Variants in CDH10 observed in about 807,000 individuals in gnomAD.
CDH10 encodes the protein cadherin-10.
A neutral mutation model predicts 73.1 loss-of-function variants in CDH10; 30 were observed. The ratio of observed to expected loss-of-function variants is 0.41; its 90% CI spans 0.31 to 0.56. The LOEUF is 0.56. Among genes scored for constraint, CDH10 ranks in the 20% least tolerant of loss-of-function variants. CDH10 has a pLI of 0.27. For synonymous variants in CDH10, 345 were observed against 348.2 expected (o/e 0.99, Z 0.10); for missense variants, 815 against 973.7 (o/e 0.84, Z 2.17).
chr5:24,523,347 T>A (rs1000712537), intron 5 of CDH10, among the ~76,000 whole-genome samples: 4 of 152,124 alleles, frequency 2.6e-5, no homozygotes, highest in African/African-American at 9.7e-5. Flanking sequence ...TATATATGTA[T>A]ATATACACAC....
At chr5:24,533,148 G>A (rs982019454) in intron 5 of CDH10, among the ~76,000 whole-genome samples, 15 of 151,848 alleles carry the variant, frequency 9.9e-5, no homozygotes, top group African/African-American at 1.5e-4. Flanking sequence ...GCAACACGGC[G>A]AAACCTTGTC....
chr5:24,565,922 A>G (rs1265043727), intron 2 of CDH10, among the ~76,000 whole-genome samples: 2 of 152,092 alleles, frequency 1.3e-5, no homozygotes, highest in Non-Finnish European at 2.9e-5. Context: ...ATGAGAAAAT[A>G]AATTTCTCAT....
chr5:24,514,820 T>A (rs1268679968), intron 5 of CDH10, among the ~76,000 whole-genome samples: 1 of 152,112 alleles, frequency 6.6e-6, no homozygotes, highest in Non-Finnish European at 1.5e-5. Flanking sequence ...CAATTAAAAA[T>A]TTTAAATATA....
At chr5:24,638,949 ATAGATT>A (rs932504730) in intron 1 of CDH10, among the ~76,000 whole-genome samples, 1 of 151,694 alleles carries the variant, frequency 6.6e-6, no homozygotes, top group Non-Finnish European at 1.5e-5. Flanking sequence ...CTTATTAGCA[ATAGATT>A]TAAACCACTT....
At chr5:24,508,768 C>T (rs917399597) in intron 7 of CDH10, among the ~76,000 whole-genome samples, 56 of 152,332 alleles carry the variant, frequency 3.7e-4, no homozygotes, top group African/African-American at 1.2e-3. Context: ...ATATGTCCAA[C>T]ATGGCTTCCC....
chr5:24,562,663 A>T (rs930442969), intron 2 of CDH10, among the ~76,000 whole-genome samples: 1 of 152,184 alleles, frequency 6.6e-6, no homozygotes, highest in Admixed American at 6.5e-5. Context: ...TGTGATGTAG[A>T]AAGACAAAAA....
chr5:24,546,635 T>C (rs1353703694), intron 2 of CDH10, among the ~76,000 whole-genome samples: 6 of 152,200 alleles, frequency 3.9e-5, no homozygotes, highest in African/African-American at 1.4e-4. Context: ...TAACTGAGCA[T>C]GTACATGGGT....
chr5:24,539,137 G>T, intron 2 of CDH10, among the ~76,000 whole-genome samples: 1 of 151,892 alleles, frequency 6.6e-6, no homozygotes, highest in South Asian at 2.1e-4. Context: ...TAGGCACACT[G>T]ATCTACAGCC....
At chr5:24,606,058 T>C (rs906391578) in intron 1 of CDH10, among the ~76,000 whole-genome samples, 19 of 152,206 alleles carry the variant, frequency 1.2e-4, no homozygotes, top group East Asian at 5.8e-4. Flanking sequence ...TGATGGTTAA[T>C]GTCTAGTCAC....
chr5:24,524,102 T>G (rs1743439474), intron 5 of CDH10, among the ~76,000 whole-genome samples: 1 of 152,144 alleles, frequency 6.6e-6, no homozygotes, highest in Admixed American at 6.6e-5. Context: ...TTCAACAAAT[T>G]TATATTCAGT....
chr5:24,539,662 C>T (rs1007255397), intron 2 of CDH10, among the ~76,000 whole-genome samples: 1 of 152,016 alleles, frequency 6.6e-6, no homozygotes, highest in African/African-American at 2.4e-5. Flanking sequence ...TTTCTTACTA[C>T]ATTTTTAGCT....
At chr5:24,634,576 T>A (rs1346919291) in intron 1 of CDH10, among the ~76,000 whole-genome samples, 1 of 151,772 alleles carries the variant, frequency 6.6e-6, no homozygotes, top group Non-Finnish European at 1.5e-5. Context: ...AAGAAAAAGA[T>A]AACTGTGACT....
At chr5:24,621,985 T>C (rs2202512) in intron 1 of CDH10, among the ~76,000 whole-genome samples, 88,656 of 152,086 alleles carry the variant, frequency 0.58, 30,626 homozygotes, top group East Asian at 0.75. Flanking sequence ...AAGATGAGGT[T>C]AGAGAGGAAA....
chr5:24,635,594 T>C (rs1276957876), intron 1 of CDH10, among the ~76,000 whole-genome samples: 1 of 151,846 alleles, frequency 6.6e-6, no homozygotes, highest in African/African-American at 2.4e-5. Context: ...TTTTTCCTCC[T>C]CTCGAGTCTT....
chr5:24,637,708 T>A (rs913424741), intron 1 of CDH10, among the ~76,000 whole-genome samples: 2 of 151,888 alleles, frequency 1.3e-5, no homozygotes, highest in African/African-American at 4.8e-5. Context: ...ATAAAAAGTA[T>A]AACACATATA....
chr5:24,596,923 T>C (rs1450527290), intron 1 of CDH10, among the ~76,000 whole-genome samples: 7 of 151,944 alleles, frequency 4.6e-5, no homozygotes, highest in African/African-American at 1.7e-4. Flanking sequence ...AAGGGAGCTG[T>C]TGTGCTTGCT....
Position 24,487,607 on chromosome 5 carries a change from GGA to G in CDH10, c.*54_*55del, listed in dbSNP as rs1436185554. 5 of 1,509,514 alleles carry G rather than the reference GGA, an allele frequency of 3.3e-6. No individual in the cohort carries two copies. In the African/African-American group the frequency reaches 7.0e-5, roughly 21 times the overall value. The allele number at this position is 1,509,514 out of a possible 1,614,324, so 93.5% of individuals were successfully genotyped here. A position where few individuals can be genotyped will look rare whatever the true frequency, so the allele number is the denominator to read the frequency against. ...TCCTGAATATCAAATATTGTGAAGT[GGA>G]GACAGCATGGGTAGAGTTACTTTCT... On this transcript the variant is annotated 3_prime_UTR_variant, in exon 12 of 12. Transcript: ENST00000264463.
At chr5:24,639,400 A>G (rs868837198) in intron 1 of CDH10, among the ~76,000 whole-genome samples, 2 of 151,754 alleles carry the variant, frequency 1.3e-5, no homozygotes, top group African/African-American at 4.8e-5. Flanking sequence ...TAGGGCAAAT[A>G]TATGGGCTGC....
intron 8 of CDH10, among the ~76,000 whole-genome samples, chr5:24,502,525 C>A (rs1241858348): frequency 6.6e-6 from 1 of 151,978 alleles, no homozygotes; most frequent in Non-Finnish European, 1.5e-5. Context: ...GCATTTAATG[C>A]CCAGAACAGA....
Sources: gnomAD v4.1 joint callset for allele counts (sites outside exome capture counted in the v4.1 genomes callset) on GRCh38, gnomAD v4.1.1 for gene constraint, MANE v1.5 for transcripts, NCBI Gene and HGNC (gene_info 2026-07-23, HGNC 2026-07-21) for gene names.